The following NISCH variants were observed in gnomAD, a reference collection of about 807,000 sequenced individuals.
NISCH encodes nischarin, also known as I-1 receptor candidate protein.
NISCH carries 55 observed loss-of-function variants against 138.4 expected under a neutral mutation model. That is an observed-to-expected ratio of 0.40 (90% CI 0.32 to 0.50). NISCH has a LOEUF of 0.50. Ranked by LOEUF, NISCH falls within the 20% of genes least tolerant of loss-of-function variation. NISCH has a pLI of 0.71. For missense variants in NISCH, 1,643 were observed against 2,005.5 expected, an observed-to-expected ratio of 0.82 and a Z score of 3.45; for synonymous variants, 860 against 861.5, an observed-to-expected ratio of 1.00 and a Z score of 0.03.
chr3:52,471,632 G>A (rs1477403717), intron 4 of NISCH, 182 bp from the exon 5 acceptor site: 6 of 640,570 alleles, frequency 9.4e-6, no homozygotes, highest in Non-Finnish European at 1.4e-5. Flanking sequence ...ACATGTCTAG[G>A]GTTGCCCTGT....
chr3:52,461,589 C>T (rs1039561441), intron 3 of NISCH, among the ~76,000 whole-genome samples: 2 of 152,082 alleles, frequency 1.3e-5, no homozygotes, highest in Non-Finnish European at 1.5e-5. Flanking sequence ...AAAGGCCGGG[C>T]GCAGTGGCTC....
In NISCH at chr3:52,476,508, A is replaced by G. The variant is rs760650882; in HGVS notation, c.827A>G (p.Glu276Gly). 1.3e-5 allele frequency: 21 copies of G among 1,613,942 alleles called. No individual in the cohort carries two copies. In the South Asian group the frequency reaches 2.3e-4, roughly 18 times the overall value. Residue 276 changes from glutamate to glycine, a missense_variant, in exon 8 of 21, where the codon GAA becomes GGA. Physicochemically the swap from Glu to Gly is moderately conservative, Grantham distance 98. Coordinates refer to ENST00000345716, the MANE Select transcript of NISCH (RefSeq NM_007184.4). ...TGGGAGCCTGAAGGCACAACCCTAG[A>G]AGGCCCTGTGACTGCCGTCATCCCC... is the stretch of plus-strand genomic sequence containing the variant. ...DEWEPEGTTL[E>G]GPVTAVIPTW...
intron 3 of NISCH, among the ~76,000 whole-genome samples, chr3:52,466,140 C>T (rs1183089971): frequency 6.6e-6 from 1 of 152,200 alleles, no homozygotes; most frequent in Non-Finnish European, 1.5e-5. Flanking sequence ...TTCTTTTGAA[C>T]TTACAGTCTT....
At chr3:52,490,889 G>C in intron 19 of NISCH, 56 bp downstream of exon 19, 1 of 1,604,412 alleles carries the variant, frequency 6.2e-7, no homozygotes, top group Admixed American at 1.7e-5. Context: ...ATCACCAGTG[G>C]GCTTCCACCT....
chr3:52,490,686 C>T lies in NISCH; in HGVS notation c.3614-19C>T, dbSNP rs1267634636. ...CTTGCCTGCCACCGCCTCCCTCTGT[C>T]CCTTTCTCCATCACACAGATTTCTG... On this transcript the variant is annotated intron_variant, in intron 18 of 20. Coordinates refer to ENST00000345716, the MANE Select transcript of NISCH (RefSeq NM_007184.4). 1 of 1,614,130 alleles carries T rather than the reference C, an allele frequency of 6.2e-7. No individual in the cohort carries two copies. The highest frequency in any genetic ancestry group is 1.1e-5 in the South Asian group (1 of 91,078).
intron 1 of NISCH, among the ~76,000 whole-genome samples, chr3:52,456,976 G>T (rs1169024948): frequency 6.6e-6 from 1 of 152,194 alleles, no homozygotes; most frequent in Non-Finnish European, 1.5e-5. Context: ...GGGGGAGGTG[G>T]TGATCTAGTT....
intron 4 of NISCH, 59 bp downstream of exon 4, chr3:52,470,966 C>T: frequency 6.4e-7 from 1 of 1,570,722 alleles, no homozygotes; most frequent in South Asian, 1.1e-5. Flanking sequence ...TATGAGGCGG[C>T]CAGAGGCACA....
At chr3:52,455,813 C>A in intron 1 of NISCH, 79 bp downstream of exon 1, 1 of 1,050,170 alleles carries the variant, frequency 9.5e-7, no homozygotes, top group Non-Finnish European at 1.2e-6. Flanking sequence ...GGGGAGGGGT[C>A]CGGGATCTGC....
Position 52,458,905 on chromosome 3 carries a change from A to G in NISCH, c.360+61A>G, listed in dbSNP as rs1706552316. 22 of 1,479,588 alleles carry G rather than the reference A, an allele frequency of 1.5e-5. No homozygotes were observed. The South Asian group carries it at 2.7e-4, about 18-fold the overall frequency. 91.7% of individuals were successfully genotyped at this position (1,479,588 alleles called of 1,614,324 possible). On this transcript the variant is annotated intron_variant, in intron 3 of 20. Transcript: ENST00000345716. ...AACCCACAACTGCCAAACTTGAGGC[A>G]GCAAACCAGGGGAGACCTCAGCTTT...
intron 13 of NISCH, 51 bp from the exon 14 acceptor site, chr3:52,484,462 T>TTGGGC: frequency 5.2e-4 from 412 of 788,580 alleles, no homozygotes; most frequent in Middle Eastern, 9.1e-4. Flanking sequence ...ACAGCCGCTC[T>TTGGGC]CCCCGCCCCA....
rs140374943 is a variant in NISCH, at chr3:52,460,172, G to A, written c.360+1328G>A. 1.6e-4 allele frequency among the ~76,000 whole-genome samples: 15 copies of A among 92,574 alleles called. No homozygotes were observed. The East Asian group carries it at 5.2e-3, about 32-fold the overall frequency. The allele number at this position is 92,574 out of a possible 152,430, so 60.7% of individuals were successfully genotyped here. ...CTCCAGCCTGGGCAACAGAGTGAGA[G>A]TAAGACTTCATCTCAAAAAAAAAAA... On this transcript the variant is annotated intron_variant, in intron 3 of 20. Transcript: ENST00000345716.
At chr3:52,480,115 A>G in intron 12 of NISCH, 69 bp from the exon 13 acceptor site, 1 of 1,574,226 alleles carries the variant, frequency 6.4e-7, no homozygotes, top group Middle Eastern at 2.1e-4. Context: ...CTCCCTCCTC[A>G]CACCCCTGGC....
intron 3 of NISCH, among the ~76,000 whole-genome samples, chr3:52,460,872 A>G (rs947745049): frequency 6.6e-6 from 1 of 152,224 alleles, no homozygotes; most frequent in Admixed American, 6.5e-5. Flanking sequence ...ACAGGGAAGA[A>G]TCCACTCCCT....
At chr3:52,467,787 G>T (rs908582658) in intron 3 of NISCH, among the ~76,000 whole-genome samples, 2 of 152,228 alleles carry the variant, frequency 1.3e-5, no homozygotes, top group Non-Finnish European at 2.9e-5. Context: ...ATCCAGGAAG[G>T]TGATTTCATT....
Position 52,488,267 on chromosome 3 carries a change from C to G in NISCH, c.2775C>G (p.Asn925Lys). 6.2e-7 allele frequency: 1 copy of G among 1,610,636 alleles called. No homozygotes were observed. The highest frequency in any genetic ancestry group is 8.5e-7 in the Non-Finnish European group (1 of 1,179,986). Residue 925 changes from asparagine (N) to lysine (K), a missense_variant, in exon 16 of 21, where the codon AAC (asparagine) becomes AAG (lysine). Asn to Lys is a moderately conservative substitution (Grantham distance 94). Transcript: ENST00000345716. Reference sequence around the variant, plus strand: ...TCAACGTCATCAAGGCCGACTTCAACCCCATGCCCAACCGTGGCACCCACA... The same window carrying G: ...TCAACGTCATCAAGGCCGACTTCAAGCCCATGCCCAACCGTGGCACCCACA... ...QHLNVIKADF[N>K]PMPNRGTHNC...
intron 1 of NISCH, among the ~76,000 whole-genome samples, chr3:52,456,026 G>T (rs984149005): frequency 3.0e-4 from 46 of 151,216 alleles, no homozygotes; most frequent in African/African-American, 1.0e-3. Context: ...GGGGAGGGGG[G>T]TGTCTAGATG....
chr3:52,481,353 C>A, intron 13 of NISCH: 2 of 991,882 alleles, frequency 2.0e-6, no homozygotes, highest in Non-Finnish European at 2.4e-6. Context: ...GAGGTCACAC[C>A]TGTGAGATGT....
intron 15 of NISCH, 45 bp downstream of exon 15, chr3:52,485,872 T>G (rs372676729): frequency 1.9e-5 from 29 of 1,543,752 alleles, no homozygotes; most frequent in East Asian, 2.4e-5. Flanking sequence ...CCACACAGCC[T>G]TATGCACACA....
intron 18 of NISCH, among the ~76,000 whole-genome samples, chr3:52,490,442 T>TGG (rs1707531839): frequency 6.6e-6 from 1 of 152,212 alleles, no homozygotes; most frequent in African/African-American, 2.4e-5. Flanking sequence ...AGCCAGGGCC[T>TGG]GGTGACTGCT....
Sources: allele counts gnomAD v4.1 joint callset (sites outside exome capture counted in the v4.1 genomes callset), GRCh38; gene constraint gnomAD v4.1.1; transcripts MANE v1.5; gene names NCBI Gene and HGNC (gene_info 2026-07-23, HGNC 2026-07-21).